The following FBXL19 variants were observed in gnomAD, a reference collection of about 807,000 sequenced individuals.
The protein encoded by FBXL19 is F-box and leucine rich repeat protein 19.
FBXL19 carries 16 observed loss-of-function variants against 71.2 expected under a neutral mutation model. The ratio of observed to expected loss-of-function variants is 0.22; its 90% CI spans 0.15 to 0.34. The LOEUF is 0.34. Among genes scored for constraint, FBXL19 ranks in the 10% least tolerant of loss-of-function variants. The pLI is 1.00. For synonymous variants in FBXL19, 447 were observed against 409.4 expected (o/e 1.09, Z -1.11); for missense variants, 658 against 968.2 (o/e 0.68, Z 4.25).
In FBXL19 at chr16:30,947,094, G is replaced by A. The variant is rs758395880; in HGVS notation, c.1889G>A (p.Arg630His). The A allele has an allele frequency of 2.5e-6, 4 of 1,597,898 alleles. No homozygotes were observed. Among genetic ancestry groups the A allele is most frequent in the Non-Finnish European group, 3.4e-6 (4 of 1,177,210 alleles). Reference sequence around the variant, plus strand: ...GACCACTGCCTCCCGCTGTTCCGCCGCTGCCCTCGTCTACGCCGCCTAGAC... The same window carrying A: ...GACCACTGCCTCCCGCTGTTCCGCCACTGCCCTCGTCTACGCCGCCTAGAC... ...LTDHCLPLFR[R>H]CPRLRRLDLR... Residue 630 changes from arginine (R) to histidine (H), a missense_variant, in exon 11 of 11, where the codon CGC becomes CAC. By Grantham distance (29) the Arg-to-His change is conservative. Transcript: ENST00000338343.
In FBXL19 at chr16:30,930,449, C is replaced by T; in HGVS notation, c.1166C>T (p.Pro389Leu). The T allele has an allele frequency of 6.5e-7, 1 of 1,534,374 alleles. No individual in the cohort carries two copies. The highest frequency in any genetic ancestry group is 8.7e-7 in the Non-Finnish European group (1 of 1,145,652). The change falls in exon 7 of 11, where the codon CCT (proline) becomes CTT (leucine). Residue 389 changes from proline (P) to leucine (L), a missense_variant. Physicochemically the swap from Pro to Leu is moderately conservative, Grantham distance 98 (BLOSUM62 -3). This residue lies in a region of FBXL19 where 447 missense variants were observed against 515.4 expected (regional missense o/e 0.87). Transcript: ENST00000338343. The surrounding 1 kb of genome is among the most constrained non-coding windows in gnomAD (Gnocchi z 8.5). Reference sequence around the variant, plus strand: ...GTGGTGCGGCCCCCGCCTCGAAGCCCTGAGCCCGACACACTCCCCTTGGCT... The same window carrying T: ...GTGGTGCGGCCCCCGCCTCGAAGCCTTGAGCCCGACACACTCCCCTTGGCT... Reference protein sequence around the residue: ...RHVVRPPPRSPEPDTLPLAAG... With the variant: ...RHVVRPPPRSLEPDTLPLAAG...
At position 30,930,168 on chromosome 16, in the gene FBXL19, G is replaced by A. The variant is rs753046805; in HGVS notation, c.885G>A (p.Gln295=). The A allele has an allele frequency of 7.4e-6, 12 of 1,613,424 alleles. No individual in the cohort carries two copies. In the African/African-American group the frequency reaches 1.2e-4, roughly 16 times the overall value. The change falls in exon 7 of 11, where the codon CAG becomes CAA. Residue 295 remains glutamine, a synonymous_variant. Coordinates refer to ENST00000338343, the MANE Select transcript of FBXL19 (RefSeq NM_001382779.1). The surrounding 1 kb of genome is among the most constrained non-coding windows in gnomAD (Gnocchi z 8.5). ...TAGAGCGTTTCAAGCGGATGTGCCAGCTGCTGGAACGGGTGCCTGACACCT... is the reference window on the plus strand; with the variant it reads ...TAGAGCGTTTCAAGCGGATGTGCCAACTGCTGGAACGGGTGCCTGACACCT... ...EKLERFKRMC[Q]LLERVPDTSS... is the part of the protein sequence containing the mutation.
At chr16:30,923,007 G>A, upstream of FBXL19, 1 of 456,422 alleles carries the variant, frequency 2.2e-6, no homozygotes, top group Middle Eastern at 3.3e-4. Context: ...TAATCCCATC[G>A]CACCTCGTAA....
At position 30,947,445 on chromosome 16, in the gene FBXL19, G is replaced by C. The variant is rs906440654; in HGVS notation, c.*215G>C. On this transcript the variant is annotated 3_prime_UTR_variant, in exon 11 of 11. Transcript: ENST00000338343. ...TTTCTCCTTCCTATGTCCTGCCCCT[G>C]CTACCTGCTTCATTGTCCATCCCCT... The C allele has an allele frequency of 1.2e-5, 7 of 574,312 alleles. No individual in the cohort carries two copies. Among genetic ancestry groups the C allele is most frequent in the Admixed American group, 3.1e-5 (1 of 32,326 alleles). The allele number at this position is 574,312 out of a possible 1,614,324, so 35.6% of individuals were successfully genotyped here.
rs867172510 is a variant in FBXL19, at chr16:30,942,478, G to A, written c.1569G>A (p.Glu523=). 6.2e-7 allele frequency: 1 copy of A among 1,600,658 alleles called. No individual in the cohort carries two copies. ...GGCTCCTGGACCTCCGCTGGATCGA[G>A]GATGTTAAAGACTCCCAGCTCCGGG... is the stretch of plus-strand genomic sequence containing the variant. ...ALRLLDLRWI[E]DVKDSQLREL... is the part of the protein sequence containing the mutation. The change falls in exon 9 of 11, where the codon GAG becomes GAA. Residue 523 remains glutamate, a synonymous_variant. Transcript: ENST00000338343. The surrounding 1 kb of genome is among the most constrained non-coding windows in gnomAD (Gnocchi z 5.7).
At position 30,947,273 on chromosome 16, in the gene FBXL19, A is replaced by C; in HGVS notation, c.*43A>C. The C allele has an allele frequency of 6.9e-7, 1 of 1,455,282 alleles. No homozygotes were observed. The highest frequency in any genetic ancestry group is 9.1e-7 in the Non-Finnish European group (1 of 1,096,306). The allele number at this position is 1,455,282 out of a possible 1,614,324, so 90.1% of individuals were successfully genotyped here. A position where few individuals can be genotyped will look rare whatever the true frequency, so the allele number is the denominator to read the frequency against. On this transcript the variant is annotated 3_prime_UTR_variant, in exon 11 of 11. Transcript: ENST00000338343. ...TCCCCCGGACTCGACAGGAGCCTGG[A>C]CCTCCGGCTTCATTTCACCCCTGCT... is the stretch of plus-strand genomic sequence containing the variant.
rs745989912 is a variant in FBXL19 at position 30,930,219 on chromosome 16, C to T, written c.936C>T (p.Ser312=). ...DTSSSSSDSD[S]DSDSSGTSLS... ...CCTCTTCCTCCTCGGACTCAGACTC[C>T]GACTCCGACTCTTCGGGCACATCGC... The change falls in exon 7 of 11, where the codon TCC becomes TCT. Residue 312 remains serine (S), a synonymous_variant. Transcript: ENST00000338343. This position sits in a 1 kb window ranked among gnomAD's most constrained non-coding sequence, Gnocchi z 8.5. 1.9e-5 allele frequency: 31 copies of T among 1,613,074 alleles called. No homozygotes were observed. Among genetic ancestry groups the T allele is most frequent in the African/African-American group, 5.3e-5 (4 of 75,076 alleles).
chr16:30,944,050 G>A (rs1045445235), intron 9 of FBXL19, among the ~76,000 whole-genome samples: 1 of 152,130 alleles, frequency 6.6e-6, no homozygotes, highest in African/African-American at 2.4e-5. Flanking sequence ...ATGGGTGGGG[G>A]GTAAGGTGGG....
Position 30,923,655 on chromosome 16 carries a change from AC to A in FBXL19, c.-827del. ...GGCCGTAGCAGCGCGGGGCTGGGGG[AC>A]CAGGGGGGCTGAGACACCCCAACTG... On this transcript the variant is annotated 5_prime_UTR_variant, in exon 1 of 11. The change abolishes the stop of an existing upstream ORF in the 5' untranslated region. Coordinates refer to ENST00000338343, the MANE Select transcript of FBXL19 (RefSeq NM_001382779.1). Among the ~76,000 whole-genome samples, 1 of 150,782 alleles carries A rather than the reference AC, an allele frequency of 6.6e-6. No individual in the cohort carries two copies. The highest frequency in any genetic ancestry group is 1.5e-5 in the Non-Finnish European group (1 of 67,594).
At chr16:30,935,241 C>T (rs2055719455) in intron 7 of FBXL19, among the ~76,000 whole-genome samples, 1 of 152,154 alleles carries the variant, frequency 6.6e-6, no homozygotes. Flanking sequence ...TTCCTGGTGT[C>T]TAATGGCACC....
chr16:30,928,006 C>T (rs1450602946), intron 5 of FBXL19, 43 bp downstream of exon 5: 16 of 1,325,156 alleles, frequency 1.2e-5, no homozygotes, highest in Admixed American at 2.9e-5. Flanking sequence ...CTGAGGAATT[C>T]TGGGAGCTGT....
At chr16:30,934,857 T>G (rs1439647824) in intron 7 of FBXL19, among the ~76,000 whole-genome samples, 1 of 152,112 alleles carries the variant, frequency 6.6e-6, no homozygotes, top group Non-Finnish European at 1.5e-5. Flanking sequence ...GGTCTGATGC[T>G]CAGGAGAAAG....
At chr16:30,928,818 T>G (rs1190969901) in intron 6 of FBXL19, among the ~76,000 whole-genome samples, 190 bp downstream of exon 6, 1 of 152,182 alleles carries the variant, frequency 6.6e-6, no homozygotes, top group Non-Finnish European at 1.5e-5. Context: ...AGCCCCTGAC[T>G]TCCCAAAAAC....
chr16:30,931,683 C>T (rs1469944820), intron 7 of FBXL19, among the ~76,000 whole-genome samples: 1 of 152,160 alleles, frequency 6.6e-6, no homozygotes, highest in African/African-American at 2.4e-5. Context: ...CCAAAAGTAC[C>T]AGAGTGCAGG....
intron 7 of FBXL19, among the ~76,000 whole-genome samples, chr16:30,934,128 C>T (rs535864226): frequency 6.6e-6 from 1 of 152,066 alleles, no homozygotes; most frequent in Non-Finnish European, 1.5e-5. Flanking sequence ...ACTTCGGGAG[C>T]CCAAGACGGG....
In FBXL19 at chr16:30,946,630, A is replaced by T; in HGVS notation, c.1628-100A>T. The T allele has an allele frequency of 8.7e-7, 1 of 1,149,440 alleles. No individual in the cohort carries two copies. Among genetic ancestry groups the T allele is most frequent in the Non-Finnish European group, 1.2e-6 (1 of 809,872 alleles). 71.2% of individuals were successfully genotyped at this position (1,149,440 alleles called of 1,614,324 possible). A position where few individuals can be genotyped will look rare whatever the true frequency, so the allele number is the denominator to read the frequency against. On this transcript the variant is annotated intron_variant, in intron 9 of 10. Transcript: ENST00000338343. This position sits in a 1 kb window ranked among gnomAD's most constrained non-coding sequence, Gnocchi z 6.7. ...AGCAAGCCACAGAGTGCACCAGGTC[A>T]CTCACTTATGTGGGAAGCAGGTGGA...
Position 30,927,324 on chromosome 16 carries a change from C to A in FBXL19, c.194C>A (p.Thr65Lys). The change falls in exon 3 of 11, where the codon ACA becomes AAA. Residue 65 changes from threonine (T) to lysine (K), a missense_variant. This residue lies in a region of FBXL19 where 447 missense variants were observed against 515.4 expected (regional missense o/e 0.87). Coordinates refer to ENST00000338343, the MANE Select transcript of FBXL19 (RefSeq NM_001382779.1). ...CCCCAACAGCCCGTGCTCCCACACA[C>A]AGCTGTGTGCCTCTTGTGTGGGGAG... The part of the protein sequence containing the change: ...RQCTAPVLPH[T>K]AVCLLCGEAG... 6.3e-7 allele frequency: 1 copy of A among 1,576,546 alleles called. No individual in the cohort carries two copies. Among genetic ancestry groups the A allele is most frequent in the East Asian group, 2.3e-5 (1 of 43,194 alleles).
chr16:30,934,064 T>C (rs2055704579), intron 7 of FBXL19, among the ~76,000 whole-genome samples: 1 of 151,810 alleles, frequency 6.6e-6, no homozygotes, highest in Middle Eastern at 3.2e-3. Context: ...AAGGACTTTT[T>C]AAGAAGTGGA....
chr16:30,928,560 C>G lies in FBXL19; in HGVS notation c.721C>G (p.Pro241Ala), dbSNP rs748132003. ...CCCAGGCGGCCCGGGCCTGCTGCCC[C>G]CCAGGGTTCTGAATCCGAGCCAGGC... is the stretch of plus-strand genomic sequence containing the variant. ...SDPGGPGLLP[P>A]RVLNPSQAFS... Residue 241 changes from proline (P) to alanine (A), a missense_variant, in exon 6 of 11, where the codon CCC (proline) becomes GCC (alanine). This residue lies in a region of FBXL19 where 447 missense variants were observed against 515.4 expected (regional missense o/e 0.87). Transcript: ENST00000338343. The G allele has an allele frequency of 1.9e-5, 31 of 1,608,140 alleles. No homozygotes were observed. Among genetic ancestry groups the G allele is most frequent in the Non-Finnish European group, 1.0e-5 (12 of 1,177,380 alleles).
Sources: allele counts gnomAD v4.1 joint callset (sites outside exome capture counted in the v4.1 genomes callset), GRCh38; gene constraint gnomAD v4.1.1; regional missense constraint gnomAD v4.1.1; non-coding constraint Gnocchi (gnomAD v3.1); transcripts MANE v1.5; gene names NCBI Gene and HGNC (gene_info 2026-07-23, HGNC 2026-07-21).